Variants in BICD1 observed in about 807,000 individuals in gnomAD.
BICD1 encodes the protein BICD cargo adaptor 1.
A neutral mutation model predicts 92.5 loss-of-function variants in BICD1; 35 were observed. The observed-to-expected ratio is 0.38, with a 90% confidence interval of 0.29 to 0.50. BICD1 has a LOEUF of 0.50. Among genes scored for constraint, BICD1 ranks in the 20% least tolerant of loss-of-function variants. The pLI, the probability that BICD1 is intolerant of heterozygous loss-of-function variation, is 0.93. For synonymous variants in BICD1, 429 were observed against 465.1 expected (o/e 0.92, Z 1.00); for missense variants, 950 against 1,189.8 (o/e 0.80, Z 2.97).
At position 32,301,810 on chromosome 12, in the gene BICD1, G is replaced by A. The variant is rs183921232; in HGVS notation, c.580-3887G>A. 2.0e-5 allele frequency among the ~76,000 whole-genome samples: 3 copies of A among 152,196 alleles called. No homozygotes were observed. The East Asian group carries it at 5.8e-4, about 29-fold the overall frequency. Reference sequence around the variant, plus strand: ...ACAAAAGAAAAAGTAGATGGAAAAGGAACAGCCAGTGCTCACTTACAGGTG... The same window carrying A: ...ACAAAAGAAAAAGTAGATGGAAAAGAAACAGCCAGTGCTCACTTACAGGTG... On this transcript the variant is annotated intron_variant, in intron 3 of 9. Transcript: ENST00000652176.
chr12:32,376,250 A>G (rs1026653691), intron 9 of BICD1, among the ~76,000 whole-genome samples: 11 of 149,114 alleles, frequency 7.4e-5, no homozygotes, highest in African/African-American at 2.7e-4. Flanking sequence ...TACCCAGCTA[A>G]TTTTTTTTTT....
At chr12:32,243,104 T>A (rs1284905259) in intron 2 of BICD1, among the ~76,000 whole-genome samples, 1 of 151,628 alleles carries the variant, frequency 6.6e-6, no homozygotes, top group African/African-American at 2.4e-5. Context: ...TTTAGGATTT[T>A]CTTTTTTTTT....
rs1447705969 is a variant in BICD1, at chr12:32,383,544, TTCTTA to T, written c.*5919_*5923del. On this transcript the variant is annotated 3_prime_UTR_variant, in exon 10 of 10. Transcript: ENST00000652176. ...AAATAACCAGAAGCCAATATATCGA[TTCTTA>T]TATCTCGGTTTATGTTACCAACTGA... 1.2e-4 allele frequency: 19 copies of T among 152,294 alleles called. No individual in the cohort carries two copies. Among genetic ancestry groups the T allele is most frequent in the African/African-American group, 4.6e-4 (19 of 41,572 alleles). The allele number at this position is 152,294 out of a possible 1,614,324, so 9.4% of individuals were successfully genotyped here. A position where few individuals can be genotyped will look rare whatever the true frequency, so the allele number is the denominator to read the frequency against.
At chr12:32,304,383 A>C (rs1948154254) in intron 3 of BICD1, among the ~76,000 whole-genome samples, 1 of 152,198 alleles carries the variant, frequency 6.6e-6, no homozygotes, top group Non-Finnish European at 1.5e-5. Context: ...TGATGACTTT[A>C]TTTTACTTTT....
At chr12:32,230,839 T>TTCC (rs371589679) in intron 2 of BICD1, among the ~76,000 whole-genome samples, 10,876 of 151,582 alleles carry the variant, frequency 0.072, 855 homozygotes, top group East Asian at 0.38. Flanking sequence ...GTCAGGTTTC[T>TTCC]GTTAAAGGAA....
chr12:32,111,094 C>T (rs1327264844), intron 1 of BICD1, among the ~76,000 whole-genome samples: 2 of 152,072 alleles, frequency 1.3e-5, no homozygotes, highest in African/African-American at 2.4e-5. Context: ...TTACTGATGG[C>T]ATTTTAAAAA....
intron 2 of BICD1, among the ~76,000 whole-genome samples, chr12:32,240,351 C>G (rs752585333): frequency 4.0e-5 from 6 of 151,772 alleles, no homozygotes; most frequent in Non-Finnish European, 4.4e-5. Flanking sequence ...TAGGGCCATA[C>G]CCCCAGGAAG....
At chr12:32,354,592 A>C (rs1336576337) in intron 8 of BICD1, among the ~76,000 whole-genome samples, 1 of 152,202 alleles carries the variant, frequency 6.6e-6, no homozygotes, top group Non-Finnish European at 1.5e-5. Flanking sequence ...TCACCCGATA[A>C]GTCAGAAATT....
intron 2 of BICD1, among the ~76,000 whole-genome samples, chr12:32,279,194 G>A (rs1045591595): frequency 1.3e-5 from 2 of 152,162 alleles, no homozygotes; most frequent in African/African-American, 4.8e-5. Flanking sequence ...TAGATTAGTG[G>A]TTACCTGGGA....
chr12:32,329,357 A>C (rs181038938), intron 5 of BICD1, among the ~76,000 whole-genome samples: 56 of 152,254 alleles, frequency 3.7e-4, no homozygotes, highest in African/African-American at 1.3e-3. Flanking sequence ...TCGGCCTCCC[A>C]AAGTGCTGGG....
chr12:32,145,784 AT>A (rs566178075), intron 1 of BICD1, among the ~76,000 whole-genome samples: 57 of 152,336 alleles, frequency 3.7e-4, no homozygotes, highest in Non-Finnish European at 7.8e-4. Context: ...AAGACAGCAG[AT>A]TTCTATTTTC....
At chr12:32,262,461 A>C (rs1295489406) in intron 2 of BICD1, among the ~76,000 whole-genome samples, 1 of 152,182 alleles carries the variant, frequency 6.6e-6, no homozygotes, top group Non-Finnish European at 1.5e-5. Context: ...AAAAATAAGA[A>C]TAAATAAGGT....
At chr12:32,166,134 A>ATTTATTTATTT (rs1555140598) in intron 1 of BICD1, among the ~76,000 whole-genome samples, 1 of 31,768 alleles carries the variant, frequency 3.1e-5, no homozygotes, top group Non-Finnish European at 9.8e-5. Flanking sequence ...TTATTTATTT[A>ATTTATTTATTT]TTTATTTATT....
chr12:32,295,127 C>A (rs1446398572), intron 3 of BICD1, among the ~76,000 whole-genome samples: 1 of 145,122 alleles, frequency 6.9e-6, no homozygotes, highest in Non-Finnish European at 1.5e-5. Context: ...TTTTCTTTTT[C>A]AGCTGTAACC....
intron 1 of BICD1, among the ~76,000 whole-genome samples, chr12:32,201,630 T>C (rs889132739): frequency 7.2e-5 from 11 of 152,202 alleles, no homozygotes; most frequent in Non-Finnish European, 1.0e-4. Context: ...TGATTTAAGT[T>C]TTCTTCCTTT....
intron 1 of BICD1, among the ~76,000 whole-genome samples, chr12:32,147,019 AGCCTCGACCT>A (rs2076354303): frequency 6.6e-6 from 1 of 151,590 alleles, no homozygotes; most frequent in Non-Finnish European, 1.5e-5. Flanking sequence ...AGCTCACTGC[AGCCTCGACCT>A]CCCCAGGCTT....
intron 1 of BICD1, among the ~76,000 whole-genome samples, chr12:32,208,957 T>C (rs1005259360): frequency 1.3e-5 from 2 of 151,960 alleles, no homozygotes; most frequent in Non-Finnish European, 2.9e-5. Flanking sequence ...GCCTCAGCCT[T>C]CAGAGTAGCT....
At chr12:32,377,111 A>G (rs919667854) in intron 9 of BICD1, among the ~76,000 whole-genome samples, 1 of 152,162 alleles carries the variant, frequency 6.6e-6, no homozygotes, top group Non-Finnish European at 1.5e-5. Flanking sequence ...CCCCACACCT[A>G]ATGAATCCGA....
intron 1 of BICD1, among the ~76,000 whole-genome samples, chr12:32,184,292 T>G (rs1227144178): frequency 1.3e-5 from 2 of 152,146 alleles, no homozygotes; most frequent in Non-Finnish European, 2.9e-5. Context: ...TGGAAAATAA[T>G]TGTTTTCTTT....
Sources: allele counts gnomAD v4.1 joint callset (sites outside exome capture counted in the v4.1 genomes callset), GRCh38; gene constraint gnomAD v4.1.1; transcripts MANE v1.5; gene names NCBI Gene and HGNC (gene_info 2026-07-23, HGNC 2026-07-21).